Variants in DNAH12 observed in about 807,000 individuals in gnomAD.
The protein encoded by DNAH12 is axonemal beta dynein heavy chain 12.
In DNAH12, 285 loss-of-function variants were observed where a neutral mutation model predicts 371.5. The observed-to-expected ratio is 0.77, with a 90% CI of 0.70 to 0.85. The LOEUF is 0.85. Among genes scored for constraint, DNAH12 ranks in the 40% least tolerant of loss-of-function variants. The pLI, the probability that DNAH12 is intolerant of heterozygous loss-of-function variation, is 0.00. For synonymous variants in DNAH12, 1,200 were observed against 1,213.0 expected, an observed-to-expected ratio of 0.99 and a Z score of 0.22; for missense variants, 3,611 against 3,689.4, an observed-to-expected ratio of 0.98 and a Z score of 0.55.
chr3:57,302,567 A>ATTTT (rs71088056), intron 69 of DNAH12, among the ~76,000 whole-genome samples: 4 of 27,466 alleles, frequency 1.5e-4, no homozygotes, highest in Non-Finnish European at 2.5e-4. Flanking sequence ...ATATATATGT[A>ATTTT]TTTTTTTTTT....
intron 11 of DNAH12, among the ~76,000 whole-genome samples, chr3:57,500,763 T>C (rs1424192242): frequency 6.6e-6 from 1 of 152,112 alleles, no homozygotes; most frequent in African/African-American, 2.4e-5. Context: ...ACAGTGCTTA[T>C]GCCTTTTTTT....
upstream of DNAH12, among the ~76,000 whole-genome samples, chr3:57,545,217 C>T (rs1327829952): frequency 3.4e-5 from 5 of 147,650 alleles, no homozygotes; most frequent in African/African-American, 5.0e-5. Context: ...CTGGAGTGCT[C>T]ACCACAACCT....
intron 9 of DNAH12, among the ~76,000 whole-genome samples, chr3:57,503,185 C>T (rs1055294507): frequency 8.5e-5 from 13 of 152,090 alleles, no homozygotes; most frequent in African/African-American, 2.2e-4. Flanking sequence ...CCCAGGAGTT[C>T]GAGGCAGCAG....
intron 57 of DNAH12, among the ~76,000 whole-genome samples, chr3:57,365,748 T>C (rs1251795091): frequency 2.0e-5 from 3 of 152,096 alleles, no homozygotes; most frequent in African/African-American, 7.2e-5. Context: ...TATATGTAGA[T>C]AAATATCAAT....
intron 19 of DNAH12, 116 bp downstream of exon 19, chr3:57,461,372 AT>A (rs2066048873): frequency 1.1e-6 from 1 of 871,770 alleles, no homozygotes; most frequent in African/African-American, 1.7e-5. Flanking sequence ...TAGGTCTATG[AT>A]TTGAATAAAC....
Position 57,393,736 on chromosome 3 carries a change from A to G in DNAH12, c.7110+435T>C, listed in dbSNP as rs898299281. On this transcript the variant is annotated intron_variant, in intron 44 of 73. Coordinates refer to ENST00000495027, the MANE Select transcript of DNAH12 (RefSeq NM_001366028.2). ...CACGTCACCATTGTATTTTTTGTCAATTAAATCACAAACAAGACTTTCAGA... is the reference window on the plus strand; with the variant it reads ...CACGTCACCATTGTATTTTTTGTCAGTTAAATCACAAACAAGACTTTCAGA... Among the ~76,000 whole-genome samples, 378 of 152,148 alleles carry G rather than the reference A, an allele frequency of 2.5e-3. 2 individuals carry two copies. Among genetic ancestry groups the G allele is most frequent in the African/African-American group, 8.5e-3 (353 of 41,478 alleles).
Position 57,522,990 on chromosome 3 carries a change from A to T in DNAH12, c.279+593T>A, listed in dbSNP as rs371487161. Among the ~76,000 whole-genome samples, 8 of 152,220 alleles carry T rather than the reference A, an allele frequency of 5.3e-5. No homozygotes were observed. In the South Asian group the frequency reaches 1.0e-3, roughly 20 times the overall value. Reference sequence around the variant, plus strand: ...AAAAGAGAGATGGAGTTCCTTTATAACTGCCACTTTGAGTTTTTTTTCAGT... The same window carrying T: ...AAAAGAGAGATGGAGTTCCTTTATATCTGCCACTTTGAGTTTTTTTTCAGT... On this transcript the variant is annotated intron_variant, in intron 4 of 73. Transcript: ENST00000495027.
chr3:57,382,758 C>T (rs897648158), intron 49 of DNAH12, among the ~76,000 whole-genome samples: 3 of 152,038 alleles, frequency 2.0e-5, no homozygotes, highest in African/African-American at 7.2e-5. Flanking sequence ...TCTATATTTG[C>T]TTATATATAT....
At position 57,511,031 on chromosome 3, in the gene DNAH12, G is replaced by T. The variant is rs780939376; in HGVS notation, c.280-52C>A. On this transcript the variant is annotated intron_variant, in intron 4 of 73. Transcript: ENST00000495027. ...TTCTGCATGGTTGTATCATTTCAGTGTAACTCCTGAACTCTCCCTTCCTAA... is the reference window on the plus strand; with the variant it reads ...TTCTGCATGGTTGTATCATTTCAGTTTAACTCCTGAACTCTCCCTTCCTAA... The T allele has an allele frequency of 3.6e-6, 5 of 1,386,962 alleles. No homozygotes were observed. The East Asian group carries it at 7.4e-5, about 20-fold the overall frequency. The allele number at this position is 1,386,962 out of a possible 1,614,324, so 85.9% of individuals were successfully genotyped here.
At chr3:57,435,373 CAA>C (rs34515598) in intron 30 of DNAH12, among the ~76,000 whole-genome samples, 1,718 of 94,740 alleles carry the variant, frequency 0.018, 38 homozygotes, top group African/African-American at 0.06. Context: ...CTCTGTCTCC[CAA>C]AAAAAAAAAA....
At chr3:57,339,311 T>G (rs1171631353) in intron 60 of DNAH12, among the ~76,000 whole-genome samples, 3 of 150,736 alleles carry the variant, frequency 2.0e-5, no homozygotes, top group African/African-American at 7.3e-5. Flanking sequence ...TGACCTTCTC[T>G]CCACTATTAT....
intron 69 of DNAH12, among the ~76,000 whole-genome samples, chr3:57,306,804 A>G (rs796331033): frequency 5.6e-4 from 86 of 152,326 alleles, no homozygotes; most frequent in African/African-American, 2.0e-3. Flanking sequence ...GACAAGGCTT[A>G]CAGGTTAGTT....
At chr3:57,318,687 T>C (rs1022151789) in intron 65 of DNAH12, among the ~76,000 whole-genome samples, 5 of 147,042 alleles carry the variant, frequency 3.4e-5, no homozygotes, top group African/African-American at 1.3e-4. Context: ...CTGGTAAGTA[T>C]AATGCAAATA....
At chr3:57,303,011 C>T (rs774015363) in intron 69 of DNAH12, among the ~76,000 whole-genome samples, 2 of 151,892 alleles carry the variant, frequency 1.3e-5, no homozygotes, top group African/African-American at 4.8e-5. Flanking sequence ...CCAGTAATAA[C>T]AGATCTCTTT....
chr3:57,415,306 C>A, intron 38 of DNAH12, 120 bp downstream of exon 38: 1 of 1,335,134 alleles, frequency 7.5e-7, no homozygotes, highest in East Asian at 2.8e-5. Context: ...ACTCCCCAAA[C>A]ATTTGAAAGT....
chr3:57,508,323 G>A, intron 7 of DNAH12, 59 bp downstream of exon 7: 1 of 1,442,080 alleles, frequency 6.9e-7, no homozygotes, highest in Non-Finnish European at 9.1e-7. Flanking sequence ...AAATTATACA[G>A]TCAAAAATAT....
chr3:57,396,707 G>A (rs1472252492), intron 43 of DNAH12, among the ~76,000 whole-genome samples: 4 of 152,186 alleles, frequency 2.6e-5, no homozygotes, highest in Admixed American at 1.3e-4. Context: ...GAGTAGCTGC[G>A]ATTACAGGTC....
rs1456589211 is a variant in DNAH12, at chr3:57,452,838, C to T, written c.3786+5G>A. 6.5e-7 allele frequency: 1 copy of T among 1,531,664 alleles called. No homozygotes were observed. The highest frequency in any genetic ancestry group is 8.8e-7 in the Non-Finnish European group (1 of 1,140,594). 94.9% of individuals were successfully genotyped at this position (1,531,664 alleles called of 1,614,324 possible). ...TGTGTGAATTAAGATAATTTAAATG[C>T]ATACCAATGTTCTGTAACACCTGTC... On this transcript the variant is annotated splice_donor_5th_base_variant and intron_variant, in intron 25 of 73. Transcript: ENST00000495027.
intron 11 of DNAH12, among the ~76,000 whole-genome samples, chr3:57,499,970 A>C (rs956228518): frequency 2.0e-5 from 3 of 152,066 alleles, no homozygotes; most frequent in Admixed American, 1.3e-4. Context: ...GTTTTAACCA[A>C]TAGAACAAGG....
Sources: allele counts gnomAD v4.1 joint callset (sites outside exome capture counted in the v4.1 genomes callset), GRCh38; gene constraint gnomAD v4.1.1; transcripts MANE v1.5; gene names NCBI Gene and HGNC (gene_info 2026-07-23, HGNC 2026-07-21).